WWP2: variants seen among roughly 807,000 people sequenced by gnomAD.
WWP2 encodes WW domain containing E3 ubiquitin protein ligase 2.
In WWP2, 57 loss-of-function variants were observed where a neutral mutation model predicts 121.0. That is an observed-to-expected ratio of 0.47 (90% CI 0.38 to 0.59). The LOEUF (loss-of-function observed/expected upper bound fraction) is 0.59, where lower values mean the gene tolerates loss of function less well. WWP2 is among the 20% of genes least tolerant of loss of function. The probability of loss-of-function intolerance (pLI) is 0.00; values close to 1 mark genes in which losing one functional copy is unlikely to be tolerated. For missense variants in WWP2, 962 were observed against 1,158.9 expected, an observed-to-expected ratio of 0.83 and a Z score of 2.47; for synonymous variants, 449 against 441.3, an observed-to-expected ratio of 1.02 and a Z score of -0.22.
Position 69,801,750 on chromosome 16 carries a change from A to C in WWP2, c.340+2455A>C, listed in dbSNP as rs114701057. Among the ~76,000 whole-genome samples the C allele has an allele frequency of 6.5e-3, 985 of 151,776 alleles. 12 individuals are homozygous for C. Among genetic ancestry groups the C allele is most frequent in the African/African-American group, 0.022 (913 of 41,384 alleles). ...TGATGTATACATTTTTGAGCTTTTA[A>C]ATTTTATCTTTTAAATAATTTTTTC... On this transcript the variant is annotated intron_variant, in intron 4 of 23. Transcript: ENST00000359154.
intron 7 of WWP2, among the ~76,000 whole-genome samples, chr16:69,880,956 T>G (rs1256286389): frequency 1.3e-5 from 2 of 152,228 alleles, no homozygotes; most frequent in African/African-American, 4.8e-5. Flanking sequence ...TCTCTAGGAT[T>G]AAGCAAAAGA....
In WWP2 at chr16:69,842,024, G is replaced by A. The variant is rs759693369; in HGVS notation, c.479G>A (p.Gly160Glu). The A allele has an allele frequency of 2.9e-5, 47 of 1,611,854 alleles. No homozygotes were observed. Among genetic ancestry groups the A allele is most frequent in the Non-Finnish European group, 3.4e-5 (40 of 1,179,040 alleles). Residue 160 changes from glycine (G) to glutamate (E), a missense_variant and splice_region_variant, in exon 6 of 24, where the codon GGA becomes GAA. Physicochemically the swap from Gly to Glu is moderately conservative, Grantham distance 98. Coordinates refer to ENST00000359154, the MANE Select transcript of WWP2 (RefSeq NM_001270454.2). The stretch of plus-strand genomic sequence containing the variant: ...TTTCTTGTGATTGATTCCTTTCTAG[G>A]ATCACAGCTGCCTTCGAGAGACTCC... Reference protein sequence around the residue: ...NVPNGSALTDGSQLPSRDSSG... With the variant: ...NVPNGSALTDESQLPSRDSSG...
chr16:69,823,212 T>C (rs1344367137), intron 4 of WWP2, among the ~76,000 whole-genome samples: 1 of 152,234 alleles, frequency 6.6e-6, no homozygotes, highest in Non-Finnish European at 1.5e-5. Context: ...TGAAATGCTA[T>C]TTTAACATGT....
At chr16:69,830,622 T>C (rs1597017120) in intron 4 of WWP2, among the ~76,000 whole-genome samples, 1 of 151,562 alleles carries the variant, frequency 6.6e-6, no homozygotes, top group Admixed American at 6.6e-5. Flanking sequence ...CCTGCCAGAG[T>C]GTGAGTGTTG....
intron 2 of WWP2, among the ~76,000 whole-genome samples, chr16:69,791,892 G>A (rs1279555797): frequency 6.6e-6 from 1 of 152,064 alleles, no homozygotes; most frequent in Admixed American, 6.6e-5. Context: ...TACTTCTAAA[G>A]GCTTTTTTGT....
chr16:69,916,108 A>G (rs1472000669), intron 9 of WWP2, among the ~76,000 whole-genome samples: 2 of 152,166 alleles, frequency 1.3e-5, no homozygotes, highest in Non-Finnish European at 2.9e-5. Flanking sequence ...TGAGAAAGCT[A>G]GGAAGGTTCC....
chr16:69,862,701 A>G (rs1374846325), intron 6 of WWP2, among the ~76,000 whole-genome samples: 4 of 145,588 alleles, frequency 2.7e-5, no homozygotes, highest in East Asian at 4.0e-4. Flanking sequence ...CCAGCCAGCC[A>G]TGAATTCTTT....
intron 8 of WWP2, among the ~76,000 whole-genome samples, chr16:69,896,725 G>A (rs1363753159): frequency 6.8e-6 from 1 of 147,146 alleles, no homozygotes; most frequent in African/African-American, 2.7e-5. Context: ...CAGCTTGTGT[G>A]TATTTTTTTT....
intron 10 of WWP2, among the ~76,000 whole-genome samples, chr16:69,922,756 G>A (rs1025412138): frequency 9.9e-5 from 15 of 152,080 alleles, no homozygotes; most frequent in Admixed American, 3.3e-4. Context: ...GTTGTACTGC[G>A]TACCTTAGGG....
intron 1 of WWP2, among the ~76,000 whole-genome samples, 193 bp downstream of exon 1, chr16:69,762,584 G>T (rs1461693557): frequency 7.9e-5 from 12 of 151,434 alleles, no homozygotes; most frequent in Admixed American, 7.2e-4. Flanking sequence ...CCCGAGTGGG[G>T]TGGGCGCGCC....
chr16:69,787,351 G>A (rs2055815867), intron 2 of WWP2, among the ~76,000 whole-genome samples: 1 of 152,194 alleles, frequency 6.6e-6, no homozygotes, highest in South Asian at 2.1e-4. Context: ...CACTTTGGGA[G>A]GCTGAGGCAG....
At position 69,931,024 on chromosome 16, in the gene WWP2, T is replaced by C. The variant is rs1043766404; in HGVS notation, c.1446-128T>C. 3.6e-6 allele frequency: 3 copies of C among 824,240 alleles called. No individual in the cohort carries two copies. In the African/African-American group the frequency reaches 5.1e-5, roughly 14 times the overall value. The allele number at this position is 824,240 out of a possible 1,614,324, so 51.1% of individuals were successfully genotyped here. ...TATTCTTCAAGGATCTTAATGACAGTCACTTCCTCACCTTACATTACTAAT... is the reference window on the plus strand; with the variant it reads ...TATTCTTCAAGGATCTTAATGACAGCCACTTCCTCACCTTACATTACTAAT... On this transcript the variant is annotated intron_variant, in intron 13 of 23. Transcript: ENST00000359154.
chr16:69,927,031 G>A (rs562740397), intron 11 of WWP2, among the ~76,000 whole-genome samples: 3 of 152,222 alleles, frequency 2.0e-5, no homozygotes, highest in South Asian at 2.1e-4. Context: ...AACAGCTCTC[G>A]AATGCTAAGT....
At chr16:69,767,035 TG>T (rs1206883033) in intron 1 of WWP2, among the ~76,000 whole-genome samples, 5 of 150,786 alleles carry the variant, frequency 3.3e-5, no homozygotes, top group African/African-American at 7.3e-5. Flanking sequence ...ATAGGGGTTT[TG>T]TTTTTTTTTT....
At chr16:69,931,285 G>C (rs1360965170) in intron 14 of WWP2, 58 bp downstream of exon 14, 1 of 1,596,952 alleles carries the variant, frequency 6.3e-7, no homozygotes, top group East Asian at 2.2e-5. Context: ...ATTTCAGTGT[G>C]AGTTCCCGGC....
chr16:69,913,710 A>C (rs1299609816), intron 9 of WWP2, among the ~76,000 whole-genome samples: 2 of 152,098 alleles, frequency 1.3e-5, no homozygotes, highest in Admixed American at 6.6e-5. Context: ...GACCAGGCAG[A>C]AAACAGGAGC....
chr16:69,864,650 A>G (rs895238013), intron 6 of WWP2, among the ~76,000 whole-genome samples: 4 of 151,084 alleles, frequency 2.6e-5, no homozygotes, highest in Admixed American at 6.6e-5. Flanking sequence ...CTCGGGGTTC[A>G]AGCGATCTCC....
chr16:69,899,969 T>C (rs1434216693), intron 8 of WWP2, among the ~76,000 whole-genome samples: 2 of 152,182 alleles, frequency 1.3e-5, no homozygotes, highest in Admixed American at 1.3e-4. Flanking sequence ...TCAATATTTA[T>C]CTACAATGTT....
intron 4 of WWP2, among the ~76,000 whole-genome samples, chr16:69,806,411 G>A (rs1159450396): frequency 6.6e-6 from 1 of 152,098 alleles, no homozygotes; most frequent in African/African-American, 2.4e-5. Flanking sequence ...TTGGAATCAA[G>A]GCCAAGCTAA....
Sources: allele counts gnomAD v4.1 joint callset (sites outside exome capture counted in the v4.1 genomes callset), GRCh38; gene constraint gnomAD v4.1.1; transcripts MANE v1.5; gene names NCBI Gene and HGNC (gene_info 2026-07-23, HGNC 2026-07-21).